PRKN: variants seen among roughly 807,000 people sequenced by gnomAD.
PRKN encodes E3 ubiquitin-protein ligase parkin.
In PRKN, 56 loss-of-function variants were observed where a neutral mutation model predicts 59.5. That is an observed-to-expected ratio of 0.94 (90% confidence interval 0.76 to 1.18). PRKN has a LOEUF of 1.18. PRKN is among the 50% of genes most tolerant of loss of function. The pLI is 0.00. For synonymous variants in PRKN, 250 were observed against 222.1 expected (o/e 1.13, Z -1.12); for missense variants, 657 against 596.4 (o/e 1.10, Z -1.06).
intron 7 of PRKN, among the ~76,000 whole-genome samples, chr6:161,657,167 A>C (rs556972555): frequency 6.6e-6 from 1 of 152,180 alleles, no homozygotes; most frequent in Non-Finnish European, 1.5e-5. Flanking sequence ...GTTCAGTTCC[A>C]AATCCAGACA....
intron 7 of PRKN, among the ~76,000 whole-genome samples, chr6:161,646,440 C>G (rs1191629331): frequency 8.6e-6 from 1 of 116,336 alleles, no homozygotes; most frequent in African/African-American, 3.1e-5. Context: ...CGTGTGCGTG[C>G]GTGGTGGAGG....
chr6:161,939,387 C>T (rs1043129292), intron 6 of PRKN, among the ~76,000 whole-genome samples: 9 of 127,508 alleles, frequency 7.1e-5, no homozygotes, highest in Admixed American at 9.5e-5. Context: ...CACTGCACTC[C>T]AGGCCTGGGT....
intron 4 of PRKN, among the ~76,000 whole-genome samples, chr6:162,143,230 T>C (rs1781864657): frequency 6.6e-6 from 1 of 152,244 alleles, no homozygotes; most frequent in Non-Finnish European, 1.5e-5. Flanking sequence ...AGAAGTATCA[T>C]TGACTAATTT....
chr6:162,241,726 T>G (rs996655263), intron 3 of PRKN, among the ~76,000 whole-genome samples: 1 of 152,186 alleles, frequency 6.6e-6, no homozygotes, highest in Non-Finnish European at 1.5e-5. Flanking sequence ...AAATGTATTA[T>G]GTCTGATGAT....
chr6:161,793,826 G>C, intron 6 of PRKN, among the ~76,000 whole-genome samples: 2 of 152,256 alleles, frequency 1.3e-5, no homozygotes, highest in Middle Eastern at 6.8e-3. Flanking sequence ...AAATAATATT[G>C]TAAATATGTT....
chr6:161,730,141 G>C (rs1050495683), intron 7 of PRKN, among the ~76,000 whole-genome samples: 31 of 145,774 alleles, frequency 2.1e-4, no homozygotes, highest in East Asian at 1.3e-3. Flanking sequence ...TGATGTGTTG[G>C]ATTCTTTCTG....
chr6:161,718,319 A>G (rs1562629990), intron 7 of PRKN, among the ~76,000 whole-genome samples: 1 of 152,108 alleles, frequency 6.6e-6, no homozygotes, highest in Non-Finnish European at 1.5e-5. Context: ...GAAGACTGAG[A>G]TGGGCACTAA....
At chr6:162,615,447 ATT>A (rs5881481) in intron 1 of PRKN, among the ~76,000 whole-genome samples, 9 of 151,446 alleles carry the variant, frequency 5.9e-5, no homozygotes, top group East Asian at 2.0e-4. Flanking sequence ...CATGAGATGG[ATT>A]TTTTTTTTAG....
chr6:161,980,597 T>C (rs1781223577), intron 5 of PRKN, among the ~76,000 whole-genome samples: 1 of 152,160 alleles, frequency 6.6e-6, no homozygotes. Context: ...TGGGAGAAGG[T>C]ATTGGAGTCA....
In PRKN at chr6:161,458,829, T is replaced by G. The variant is rs1222711330; in HGVS notation, c.1084-71952A>C. ...TGACTTTGCCAGAAATTCGTAAATT[T>G]TTAGGAAAGTGAAGAGCATATGGTC... On this transcript the variant is annotated intron_variant, in intron 9 of 11. Coordinates refer to ENST00000366898, the MANE Select transcript of PRKN (RefSeq NM_004562.3). This position sits in a 1 kb window ranked among gnomAD's most constrained non-coding sequence, Gnocchi z 6.1. 3.3e-5 allele frequency among the ~76,000 whole-genome samples: 5 copies of G among 152,190 alleles called. No homozygotes were observed. In the East Asian group the frequency reaches 9.6e-4, roughly 29 times the overall value.
At chr6:162,125,119 C>A (rs189193116) in intron 4 of PRKN, among the ~76,000 whole-genome samples, 14 of 152,284 alleles carry the variant, frequency 9.2e-5, no homozygotes, top group Non-Finnish European at 5.9e-5. Context: ...ACGTAGTCCT[C>A]AGTTCTGATT....
chr6:161,720,681 T>A (rs1195441444), intron 7 of PRKN, among the ~76,000 whole-genome samples: 1 of 152,194 alleles, frequency 6.6e-6, no homozygotes, highest in East Asian at 1.9e-4. Context: ...AAGAAAAATA[T>A]CTGTCATCAA....
intron 5 of PRKN, among the ~76,000 whole-genome samples, chr6:161,991,843 A>G (rs1253816104): frequency 6.6e-6 from 1 of 152,106 alleles, no homozygotes; most frequent in Non-Finnish European, 1.5e-5. Flanking sequence ...ACTCCGTCTC[A>G]AAAAACAAAA....
At chr6:161,883,030 AAC>A (rs1356019306) in intron 6 of PRKN, among the ~76,000 whole-genome samples, 1 of 102,844 alleles carries the variant, frequency 9.7e-6, no homozygotes, top group African/African-American at 5.4e-5. Context: ...CAACAACAAC[AAC>A]AAAAAAAAAC....
At chr6:162,236,021 G>GAAAGAA (rs1287554689) in intron 3 of PRKN, among the ~76,000 whole-genome samples, 2 of 148,722 alleles carry the variant, frequency 1.3e-5, no homozygotes, top group South Asian at 2.1e-4. Flanking sequence ...AAGAAAGAAA[G>GAAAGAA]AAACTCCTCA....
intron 7 of PRKN, among the ~76,000 whole-genome samples, chr6:161,587,880 T>A (rs1781576026): frequency 6.6e-6 from 1 of 152,168 alleles, no homozygotes; most frequent in African/African-American, 2.4e-5. Flanking sequence ...CATCACCTCT[T>A]AAGATGTAAA....
intron 1 of PRKN, among the ~76,000 whole-genome samples, chr6:162,478,388 C>G (rs1031395346): frequency 9.2e-5 from 14 of 152,206 alleles, no homozygotes; most frequent in Middle Eastern, 3.4e-3. Context: ...ACAGAAGTCA[C>G]ATGTCTGTTC....
intron 6 of PRKN, among the ~76,000 whole-genome samples, chr6:161,805,649 T>C (rs571267368): frequency 2.4e-4 from 36 of 152,278 alleles, no homozygotes; most frequent in Admixed American, 1.5e-3. Flanking sequence ...GTGCATTGGT[T>C]TGCACACTCT....
intron 6 of PRKN, among the ~76,000 whole-genome samples, chr6:161,944,009 GCCTGAGGGATC>G: frequency 6.7e-6 from 1 of 148,186 alleles, no homozygotes; most frequent in African/African-American, 2.5e-5. Flanking sequence ...TGAGGAAGCA[GCCTGAGGGATC>G]AGCCTGAGGA....
Sources: gnomAD v4.1 joint callset for allele counts (sites outside exome capture counted in the v4.1 genomes callset) on GRCh38, gnomAD v4.1.1 for gene constraint, Gnocchi (gnomAD v3.1) non-coding constraint, MANE v1.5 for transcripts, NCBI Gene and HGNC (gene_info 2026-07-23, HGNC 2026-07-21) for gene names.